Variants in GTF2H5 observed in about 807,000 individuals in gnomAD.
GTF2H5 encodes TFB5 ortholog.
A neutral mutation model predicts 7.1 loss-of-function variants in GTF2H5; 5 were observed. The observed-to-expected ratio is 0.71, with a 90% CI of 0.37 to 1.49. The LOEUF (loss-of-function observed/expected upper bound fraction) is 1.49, where lower values mean the gene tolerates loss of function less well. GTF2H5 is among the 40% of genes most tolerant of loss of function. GTF2H5 has a pLI of 0.03. For missense variants in GTF2H5, 80 were observed against 83.0 expected, an observed-to-expected ratio of 0.96 and a Z score of 0.14; for synonymous variants, 30 against 31.7, an observed-to-expected ratio of 0.95 and a Z score of 0.18.
chr6:158,169,772 A>AATATATT lies in GTF2H5; in HGVS notation c.-34-697_-34-691dup, dbSNP rs71027388. On this transcript the variant is annotated intron_variant, in intron 1 of 2. Coordinates refer to ENST00000607778, the MANE Select transcript of GTF2H5 (RefSeq NM_207118.3). ...ATATAATATATTGTATATTATATAT[A>AATATATT]ATATATTGTATATTATATATTATAT... Among the ~76,000 whole-genome samples, 9 of 53,938 alleles carry AATATATT rather than the reference A, an allele frequency of 1.7e-4. 1 individual carries two copies. Among genetic ancestry groups the AATATATT allele is most frequent in the South Asian group, 5.0e-4 (1 of 2,012 alleles). 35.4% of individuals were successfully genotyped at this position (53,938 alleles called of 152,430 possible).
intron 2 of GTF2H5, among the ~76,000 whole-genome samples, chr6:158,183,776 G>A (rs1786040943): frequency 6.6e-6 from 1 of 152,162 alleles, no homozygotes; most frequent in Non-Finnish European, 1.5e-5. Context: ...CATTTGGGCT[G>A]GAGTGTATTG....
chr6:158,169,786 T>TATATATTATATA (rs1785817790), intron 1 of GTF2H5, among the ~76,000 whole-genome samples: 1 of 114,350 alleles, frequency 8.7e-6, no homozygotes, highest in Non-Finnish European at 1.7e-5. Context: ...TATTGTATAT[T>TATATATTATATA]ATATATTATA....
chr6:158,176,250 A>G (rs1785932520), intron 2 of GTF2H5, among the ~76,000 whole-genome samples: 1 of 152,010 alleles, frequency 6.6e-6, no homozygotes, highest in Non-Finnish European at 1.5e-5. Context: ...TTTTTTTGAA[A>G]CGGAGTCTCA....
intron 2 of GTF2H5, among the ~76,000 whole-genome samples, chr6:158,178,923 C>T (rs950422464): frequency 1.3e-5 from 2 of 152,098 alleles, no homozygotes; most frequent in Non-Finnish European, 2.9e-5. Flanking sequence ...AGTCTTTGCC[C>T]ATGCCTGTGT....
chr6:158,185,623 G>T (rs1776906533), intron 2 of GTF2H5, among the ~76,000 whole-genome samples: 1 of 151,586 alleles, frequency 6.6e-6, no homozygotes, highest in African/African-American at 2.4e-5. Flanking sequence ...CCTCTAAGCT[G>T]TCTCATTTGT....
At position 158,175,455 on chromosome 6, in the gene GTF2H5, G is replaced by A. The variant is rs542636243; in HGVS notation, c.35+4917G>A. On this transcript the variant is annotated intron_variant, in intron 2 of 2. Coordinates refer to ENST00000607778, the MANE Select transcript of GTF2H5 (RefSeq NM_207118.3). ...TTATATCCTTTAACACAATAACTCC[G>A]TTTCTATAAGTTTATCTTTAGGAAA... Among the ~76,000 whole-genome samples, 7 of 152,204 alleles carry A rather than the reference G, an allele frequency of 4.6e-5. No homozygotes were observed. The East Asian group carries it at 7.7e-4, about 17-fold the overall frequency.
intron 2 of GTF2H5, among the ~76,000 whole-genome samples, chr6:158,183,911 A>G (rs888725021): frequency 3.9e-5 from 6 of 152,172 alleles, no homozygotes; most frequent in African/African-American, 1.2e-4. Flanking sequence ...GGCTGCACCC[A>G]CTGTCCAACC....
intron 1 of GTF2H5, among the ~76,000 whole-genome samples, chr6:158,169,502 A>AATATACTG (rs1562468415): frequency 1.6e-5 from 1 of 62,748 alleles, no homozygotes; most frequent in African/African-American, 7.7e-5. Context: ...ATATTATATA[A>AATATACTG]TATATTGTAT....
intron 2 of GTF2H5, among the ~76,000 whole-genome samples, chr6:158,184,083 A>G (rs1776856025): frequency 6.6e-6 from 1 of 152,252 alleles, no homozygotes; most frequent in East Asian, 1.9e-4. Context: ...ACACTCCACA[A>G]CCTTGGTTTG....
At chr6:158,175,044 G>GTGTATGTGTGTGTGTGTGTA in intron 2 of GTF2H5, among the ~76,000 whole-genome samples, 2 of 142,788 alleles carry the variant, frequency 1.4e-5, no homozygotes, top group African/African-American at 2.7e-5. Flanking sequence ...GTGTGTGTGT[G>GTGTATGTGTGTGTGTGTGTA]TATACACACA....
intron 2 of GTF2H5, among the ~76,000 whole-genome samples, chr6:158,175,044 G>GTGTGTGTGTGTGTGTGTGTGTGTGTA: frequency 3.5e-4 from 50 of 142,830 alleles, no homozygotes; most frequent in African/African-American, 1.3e-3. Context: ...GTGTGTGTGT[G>GTGTGTGTGTGTGTGTGTGTGTGTGTA]TATACACACA....
At chr6:158,190,546 G>C (rs774045366) in intron 2 of GTF2H5, 1 of 363,408 alleles carries the variant, frequency 2.8e-6, no homozygotes, top group Admixed American at 4.2e-5. Context: ...ATTTAAGTCA[G>C]TTTGTAAGTT....
chr6:158,186,224 T>C (rs945466235), intron 2 of GTF2H5, among the ~76,000 whole-genome samples: 3 of 152,252 alleles, frequency 2.0e-5, no homozygotes, highest in Non-Finnish European at 4.4e-5. Context: ...ATTGGTGTGA[T>C]GATTCAGCAC....
chr6:158,169,367 TA>T (rs1356788453), intron 1 of GTF2H5, among the ~76,000 whole-genome samples: 1 of 102,576 alleles, frequency 9.7e-6, no homozygotes, highest in African/African-American at 4.1e-5. Context: ...TACATATATA[TA>T]ATATGTATAT....
rs1562469469 is a variant in GTF2H5 at position 158,169,761 on chromosome 6, A to ATATTATATATTATATAATATATTGTG, written c.-34-699_-34-698insTATATAATATATTGTGTATTATATAT. Among the ~76,000 whole-genome samples, 10 of 113,734 alleles carry ATATTATATATTATATAATATATTGTG rather than the reference A, an allele frequency of 8.8e-5. 2 individuals carry two copies. The highest frequency in any genetic ancestry group is 3.1e-4 in the African/African-American group (9 of 28,992). The allele number at this position is 113,734 out of a possible 152,430, so 74.6% of individuals were successfully genotyped here. A position where few individuals can be genotyped will look rare whatever the true frequency, so the allele number is the denominator to read the frequency against. On this transcript the variant is annotated intron_variant, in intron 1 of 2. Transcript: ENST00000607778. ...TATTATATATTATATAATATATTGTATATTATATATAATATATTGTATATT... is the reference window on the plus strand; with the variant it reads ...TATTATATATTATATAATATATTGTATATTATATATTATATAATATATTGTGTATTATATATAATATATTGTATATT...
rs1777039585 is a variant in GTF2H5, at chr6:158,192,145, T to C, written c.204T>C (p.Leu68=). 1.2e-6 allele frequency: 2 copies of C among 1,612,326 alleles called. No homozygotes were observed. The highest frequency in any genetic ancestry group is 1.7e-6 in the Non-Finnish European group (2 of 1,179,372). ...TAATGGACCAAAATGCTTTTTCCCT[T>C]ACCCAGAAATGAAAATACTCAATAT... ...GELMDQNAFS[L]TQK is the part of the protein sequence containing the mutation. The change falls in exon 3 of 3, where the codon CTT becomes CTC. Residue 68 remains leucine (L), a synonymous_variant. Transcript: ENST00000607778.
At chr6:158,170,332 CTTAATG>C (rs748559374) in intron 1 of GTF2H5, 132 bp from the exon 2 acceptor site, 11 of 611,500 alleles carry the variant, frequency 1.8e-5, no homozygotes, top group Non-Finnish European at 3.2e-5. Context: ...TGTCTTTTTT[CTTAATG>C]TTAACTGTCT....
Position 158,193,138 on chromosome 6 carries a change from C to T in GTF2H5, c.*981C>T, listed in dbSNP as rs1355750918. 7.0e-6 allele frequency: 1 copy of T among 143,380 alleles called. No homozygotes were observed. Among genetic ancestry groups the T allele is most frequent in the East Asian group, 2.0e-4 (1 of 5,118 alleles). The allele number at this position is 143,380 out of a possible 1,614,324, so 8.9% of individuals were successfully genotyped here. On this transcript the variant is annotated 3_prime_UTR_variant, in exon 3 of 3. Transcript: ENST00000607778. ...GATCGCTTGAGTCCAGGAGTCGAAA[C>T]CCTGTCTCTACAAAAAAAAAAATAC...
chr6:158,191,605 C>T (rs1777027453), intron 2 of GTF2H5, among the ~76,000 whole-genome samples: 1 of 152,068 alleles, frequency 6.6e-6, no homozygotes, highest in African/African-American at 2.4e-5. Context: ...GCCTCAGCCT[C>T]CCAAGTAGCT....
Sources: gnomAD v4.1 joint callset for allele counts (sites outside exome capture counted in the v4.1 genomes callset) on GRCh38, gnomAD v4.1.1 for gene constraint, MANE v1.5 for transcripts, NCBI Gene and HGNC (gene_info 2026-07-23, HGNC 2026-07-21) for gene names.